Variants in TUSC3 observed in about 807,000 individuals in gnomAD.
TUSC3 encodes the protein dolichyl-diphosphooligosaccharide--protein glycosyltransferase subunit TUSC3.
Under a neutral mutation model 44.8 loss-of-function variants are expected in TUSC3, and 45 were observed. The observed-to-expected ratio is 1.00, with a 90% confidence interval of 0.79 to 1.29. The LOEUF is 1.29. Among genes scored for constraint, TUSC3 ranks in the 50% most tolerant of loss-of-function variants. The probability of loss-of-function intolerance (pLI) is 0.00; values close to 1 mark genes in which losing one functional copy is unlikely to be tolerated. For synonymous variants in TUSC3, 212 were observed against 152.9 expected (o/e 1.39, Z -2.85); for missense variants, 519 against 437.9 (o/e 1.19, Z -1.65).
chr8:15,836,858 C>T, the TUSC3 span, among the ~76,000 whole-genome samples: 2 of 152,132 alleles, frequency 1.3e-5, no homozygotes, highest in African/African-American at 2.4e-5. Context: ...CTTTTCCTCT[C>T]CCTTCCCTCC....
At chr8:15,424,047 C>G (rs1408788540) in intron 1 of TUSC3, among the ~76,000 whole-genome samples, 3 of 121,498 alleles carry the variant, frequency 2.5e-5, no homozygotes, top group Non-Finnish European at 4.8e-5. Flanking sequence ...CTGGAGTGCA[C>G]TGGTGCTATC....
the TUSC3 span, among the ~76,000 whole-genome samples, chr8:15,827,808 G>A: frequency 6.6e-6 from 1 of 152,056 alleles, no homozygotes; most frequent in Admixed American, 6.6e-5. Context: ...ACTTCAAGTT[G>A]ATGATATTTA....
At chr8:15,734,112 A>G (rs2129209645) in intron 7 of TUSC3, among the ~76,000 whole-genome samples, 1 of 152,356 alleles carries the variant, frequency 6.6e-6, no homozygotes, top group East Asian at 1.9e-4. Context: ...TACTTTTTGA[A>G]CAATCCATAT....
Position 15,766,069 on chromosome 8 carries a change from TTACTA to T in TUSC3, c.*1917_*1921del, listed in dbSNP as rs1411929687. On this transcript the variant is annotated 3_prime_UTR_variant, in exon 11 of 11. Transcript: ENST00000503731. ...ATAACTAAGATAGATAAGGAGTACT[TTACTA>T]TACCATATTAGTAAAGGTTTTCTAG... 4.6e-5 allele frequency: 7 copies of T among 151,800 alleles called. No individual in the cohort carries two copies. The highest frequency in any genetic ancestry group is 1.9e-4 in the East Asian group (1 of 5,186). 9.4% of individuals were successfully genotyped at this position (151,800 alleles called of 1,614,324 possible).
rs143314765 is a variant in TUSC3 at position 15,470,230 on chromosome 8, G to T, written n.92-13156G>T. ...GCAGAGGTTGCACCACTACACTCCA[G>T]CCTGGGCAACAGAGAAAGACCCTGT... On this transcript the variant is annotated intron_variant and non_coding_transcript_variant, in intron 1 of 5. Transcript: ENST00000503191. Among the ~76,000 whole-genome samples the T allele has an allele frequency of 4.9e-3, 727 of 148,520 alleles. 6 individuals carry two copies. Among genetic ancestry groups the T allele is most frequent in the African/African-American group, 0.017 (676 of 40,166 alleles).
intron 2 of TUSC3, among the ~76,000 whole-genome samples, chr8:15,486,350 A>C (rs891471326): frequency 6.6e-6 from 1 of 152,306 alleles, no homozygotes; most frequent in East Asian, 1.9e-4. Flanking sequence ...AAATTTGTGC[A>C]TATCTGGACT....
rs1801104677 is a variant in TUSC3, at chr8:15,509,551, T to G, written n.189+26068T>G. Among the ~76,000 whole-genome samples the G allele has an allele frequency of 2.6e-5, 4 of 151,952 alleles. No homozygotes were observed. In the South Asian group the frequency reaches 8.3e-4, roughly 32 times the overall value. On this transcript the variant is annotated intron_variant and non_coding_transcript_variant, in intron 2 of 5. Coordinates refer to the TUSC3 transcript ENST00000503191. The stretch of plus-strand genomic sequence containing the variant: ...TGAATCCCAGAGGCTGAGGTTGCAG[T>G]GAGCCGAGATTGTGCCACTGCACTC...
At chr8:15,655,453 C>A (rs1329926538) in intron 3 of TUSC3, among the ~76,000 whole-genome samples, 1 of 152,158 alleles carries the variant, frequency 6.6e-6, no homozygotes, top group African/African-American at 2.4e-5. Flanking sequence ...ACATAGCCCA[C>A]CCAAAGGGAA....
At chr8:15,510,415 C>G (rs553951912) in intron 2 of TUSC3, among the ~76,000 whole-genome samples, 1 of 152,012 alleles carries the variant, frequency 6.6e-6, no homozygotes, top group South Asian at 2.1e-4. Flanking sequence ...AATGACATCA[C>G]TACAGAAATT....
chr8:15,439,964 A>G (rs929534044), intron 1 of TUSC3, among the ~76,000 whole-genome samples: 14 of 152,232 alleles, frequency 9.2e-5, no homozygotes, highest in Admixed American at 8.5e-4. Flanking sequence ...TTCATTTAAC[A>G]ATTATATAGT....
intron 7 of TUSC3, among the ~76,000 whole-genome samples, chr8:15,738,978 A>G (rs80151487): frequency 6.6e-6 from 1 of 151,304 alleles, no homozygotes; most frequent in Non-Finnish European, 1.5e-5. Flanking sequence ...CACCACAGGC[A>G]CGCGCCACCA....
chr8:15,678,632 T>G (rs79444869), intron 6 of TUSC3, among the ~76,000 whole-genome samples: 6,298 of 152,300 alleles, frequency 0.041, 229 homozygotes, highest in East Asian at 0.18. Flanking sequence ...TGTCTTTATT[T>G]CACATTTTAA....
At chr8:15,596,348 T>C (rs1804065476) in intron 1 of TUSC3, among the ~76,000 whole-genome samples, 1 of 152,194 alleles carries the variant, frequency 6.6e-6, no homozygotes. Context: ...GTACAGTACA[T>C]GGGTTTGAAC....
At chr8:15,760,108 T>C (rs796886344) in intron 10 of TUSC3, among the ~76,000 whole-genome samples, 21 of 152,310 alleles carry the variant, frequency 1.4e-4, no homozygotes, top group African/African-American at 5.1e-4. Context: ...AGAATTATTT[T>C]AAGATATGCG....
intron 1 of TUSC3, among the ~76,000 whole-genome samples, chr8:15,614,934 CCAA>C (rs1563134817): frequency 2.3e-5 from 1 of 43,852 alleles, no homozygotes; most frequent in African/African-American, 8.2e-5. Flanking sequence ...ATTAAAAAGA[CCAA>C]AAAAAAAAAA....
At chr8:15,477,773 T>C (rs755773885) in intron 1 of TUSC3, among the ~76,000 whole-genome samples, 8 of 152,202 alleles carry the variant, frequency 5.3e-5, no homozygotes, top group South Asian at 4.2e-4. Context: ...TATACACATA[T>C]AGTGTTTTCA....
intron 6 of TUSC3, among the ~76,000 whole-genome samples, chr8:15,721,237 G>C (rs1270320871): frequency 8.6e-5 from 13 of 151,984 alleles, no homozygotes; most frequent in African/African-American, 2.4e-4. Flanking sequence ...AGCAAATCTG[G>C]ATTAGGGCAC....
At chr8:15,816,902 A>G in the TUSC3 span, among the ~76,000 whole-genome samples, 440 of 152,344 alleles carry the variant, frequency 2.9e-3, 11 homozygotes, top group East Asian at 0.076. Context: ...AATGTTTCTC[A>G]TGAAAGAGAA....
the TUSC3 span, chr8:15,806,880 G>T: frequency 1.7e-6 from 2 of 1,178,850 alleles, no homozygotes; most frequent in Non-Finnish European, 1.3e-6. Flanking sequence ...ATTATGTTGG[G>T]GAGAAAGTAA....
Sources: gnomAD v4.1 joint callset for allele counts (sites outside exome capture counted in the v4.1 genomes callset) on GRCh38, gnomAD v4.1.1 for gene constraint, MANE v1.5 for transcripts, NCBI Gene and HGNC (gene_info 2026-07-23, HGNC 2026-07-21) for gene names.